The following KLRG1 variants were observed in gnomAD, a reference collection of about 807,000 sequenced individuals.
The protein encoded by KLRG1 is killer cell lectin like receptor G1, also known as killer cell lectin-like receptor subfamily G member 1.
In KLRG1, 16 loss-of-function variants were observed where a neutral mutation model predicts 21.8. The ratio of observed to expected loss-of-function variants is 0.73; its 90% CI spans 0.50 to 1.11. KLRG1 has a LOEUF of 1.11. Among genes scored for constraint, KLRG1 ranks in the 50% most tolerant of loss-of-function variants. The pLI, the probability that KLRG1 is intolerant of heterozygous loss-of-function variation, is 0.00. For synonymous variants in KLRG1, 69 were observed against 75.9 expected, an observed-to-expected ratio of 0.91 and a Z score of 0.47; for missense variants, 173 against 218.3, an observed-to-expected ratio of 0.79 and a Z score of 1.31.
chr12:8,958,616 G>A (rs1172169181), intron 1 of KLRG1, among the ~76,000 whole-genome samples: 2 of 152,000 alleles, frequency 1.3e-5, no homozygotes, highest in Non-Finnish European at 2.9e-5. Context: ...CAGCACTTTG[G>A]GAGGCTGAGA....
the KLRG1 span, among the ~76,000 whole-genome samples, chr12:9,053,680 C>T: frequency 6.6e-6 from 1 of 152,178 alleles, no homozygotes; most frequent in Non-Finnish European, 1.5e-5. Flanking sequence ...AGCCTGTGCT[C>T]GGACCTGCTT....
At chr12:9,024,822 A>G in the KLRG1 span, among the ~76,000 whole-genome samples, 1 of 152,138 alleles carries the variant, frequency 6.6e-6, no homozygotes, top group Non-Finnish European at 1.5e-5. Flanking sequence ...AACATCTACA[A>G]TACACATCTT....
In KLRG1 at chr12:8,989,679, C is replaced by T. The variant is rs1946909515; in HGVS notation, c.44C>T (p.Ala15Val). Residue 15 changes from alanine to valine, a missense_variant, in exon 1 of 5, where the codon GCA becomes GTA. Ala to Val is a moderately conservative substitution (Grantham distance 64, BLOSUM62 0). This residue lies in a region of KLRG1 where 144 missense variants were observed against 161.5 expected (regional missense o/e 0.89). Transcript: ENST00000356986. ...TATTCCATGTTAGAGTTGCCTACGG[C>T]AACCCAAGCCCAGAATGACTATGGA... Reference protein sequence around the residue: ...VIYSMLELPTATQAQNDYGPQ... With the variant: ...VIYSMLELPTVTQAQNDYGPQ... The T allele has an allele frequency of 6.2e-7, 1 of 1,610,766 alleles. No individual in the cohort carries two copies. The highest frequency in any genetic ancestry group is 8.5e-7 in the Non-Finnish European group (1 of 1,178,006).
At chr12:9,172,516 C>G in the KLRG1 span, among the ~76,000 whole-genome samples, 1 of 152,102 alleles carries the variant, frequency 6.6e-6, no homozygotes, top group Non-Finnish European at 1.5e-5. Context: ...GCTAAATGCT[C>G]TAGTTAAAAG....
the KLRG1 span, chr12:9,160,490 C>T: frequency 2.5e-6 from 4 of 1,609,656 alleles, no homozygotes; most frequent in South Asian, 4.4e-5. Flanking sequence ...TAATATGTCA[C>T]CTGGGGAATG....
intron 1 of KLRG1, among the ~76,000 whole-genome samples, chr12:8,974,871 A>T (rs1946631436): frequency 6.6e-6 from 1 of 151,234 alleles, no homozygotes; most frequent in African/African-American, 2.4e-5. Flanking sequence ...CATAATAATT[A>T]TGAGGAGGCA....
At chr12:8,956,308 A>AT (rs1463125206) in intron 1 of KLRG1, among the ~76,000 whole-genome samples, 2 of 152,182 alleles carry the variant, frequency 1.3e-5, no homozygotes, top group African/African-American at 4.8e-5. Context: ...AAGTTGGGAC[A>AT]TGCCCCCGTT....
chr12:9,127,089 T>TA, the KLRG1 span, among the ~76,000 whole-genome samples: 1 of 152,210 alleles, frequency 6.6e-6, no homozygotes, highest in African/African-American at 2.4e-5. Context: ...ATCCCTTTAT[T>TA]AAAGCACCTC....
chr12:9,052,226 G>A, the KLRG1 span, among the ~76,000 whole-genome samples: 1 of 152,132 alleles, frequency 6.6e-6, no homozygotes, highest in Non-Finnish European at 1.5e-5. Flanking sequence ...TGGCTCTTTC[G>A]AGGACACTGA....
At chr12:9,157,185 A>G in the KLRG1 span, 10 of 1,613,170 alleles carry the variant, frequency 6.2e-6, no homozygotes, top group Non-Finnish European at 6.8e-6. Context: ...CTTCTTTCAC[A>G]GCTTCCTTAT....
At chr12:8,952,097 A>C (rs776291536) in intron 1 of KLRG1, among the ~76,000 whole-genome samples, 7 of 152,106 alleles carry the variant, frequency 4.6e-5, no homozygotes, top group Non-Finnish European at 8.8e-5. Context: ...GTTTGTTTGC[A>C]TTTCTGGCCT....
chr12:9,037,957 C>T, the KLRG1 span, among the ~76,000 whole-genome samples: 14 of 152,284 alleles, frequency 9.2e-5, no homozygotes, highest in Non-Finnish European at 1.5e-4. Flanking sequence ...CCCTGTAATT[C>T]AGTGATACCT....
the KLRG1 span, chr12:9,076,819 C>T: frequency 6.2e-7 from 1 of 1,613,984 alleles, no homozygotes; most frequent in Non-Finnish European, 8.5e-7. Context: ...TGGTTACCTG[C>T]CAGGGCAAAA....
chr12:9,080,067 C>T, the KLRG1 span: 130 of 1,471,370 alleles, frequency 8.8e-5, 1 homozygote, highest in Non-Finnish European at 1.1e-4. Context: ...TGTTAATGCC[C>T]GGATCCACTA....
the KLRG1 span, chr12:9,068,127 TG>T: frequency 1.3e-6 from 2 of 1,576,690 alleles, no homozygotes; most frequent in Non-Finnish European, 8.6e-7. Flanking sequence ...GGAGAAGGTT[TG>T]GGGGGCAAGC....
the KLRG1 span, among the ~76,000 whole-genome samples, chr12:9,071,507 G>A: frequency 1.1e-3 from 171 of 152,204 alleles, 1 homozygote; most frequent in Non-Finnish European, 1.9e-3. Context: ...CTCGTGTCAT[G>A]GGGGTTTGGT....
In KLRG1 at chr12:9,010,679, A is replaced by G. The variant is rs1190396858; in HGVS notation, c.*1142A>G. 6.6e-6 allele frequency: 1 copy of G among 152,220 alleles called. No homozygotes were observed. The highest frequency in any genetic ancestry group is 2.4e-5 in the African/African-American group (1 of 41,448). The allele number at this position is 152,220 out of a possible 1,614,324, so 9.4% of individuals were successfully genotyped here. A position where few individuals can be genotyped will look rare whatever the true frequency, so the allele number is the denominator to read the frequency against. On this transcript the variant is annotated 3_prime_UTR_variant, in exon 5 of 5. Transcript: ENST00000356986. Reference sequence around the variant, plus strand: ...CATGGACTGTATCTTATCTACCACTATATCCCAAATACCTAAGATAGTGCT... The same window carrying G: ...CATGGACTGTATCTTATCTACCACTGTATCCCAAATACCTAAGATAGTGCT...
At chr12:9,040,140 G>A in the KLRG1 span, among the ~76,000 whole-genome samples, 1 of 152,224 alleles carries the variant, frequency 6.6e-6, no homozygotes, top group African/African-American at 2.4e-5. Flanking sequence ...AAGTAGGATA[G>A]TGGTAAATTT....
At chr12:9,079,255 C>A in the KLRG1 span, 2 of 1,613,494 alleles carry the variant, frequency 1.2e-6, no homozygotes, top group Non-Finnish European at 1.7e-6. Context: ...AGGTGTTGCC[C>A]TGGTTCCTGC....
Sources: gnomAD v4.1 joint callset for allele counts (sites outside exome capture counted in the v4.1 genomes callset) on GRCh38, gnomAD v4.1.1 for gene constraint, gnomAD v4.1.1 regional missense constraint, MANE v1.5 for transcripts, NCBI Gene and HGNC (gene_info 2026-07-23, HGNC 2026-07-21) for gene names.